The following GALNT13 variants were observed in gnomAD, a reference collection of about 807,000 sequenced individuals.
GALNT13 encodes polypeptide N-acetylgalactosaminyltransferase 13.
A neutral mutation model predicts 64.2 loss-of-function variants in GALNT13; 28 were observed. That is an observed-to-expected ratio of 0.44 (90% CI 0.32 to 0.60). GALNT13 has a LOEUF of 0.60. GALNT13 is among the 20% of genes least tolerant of loss of function. The pLI, the probability that GALNT13 is intolerant of heterozygous loss-of-function variation, is 0.05. For synonymous variants in GALNT13, 214 were observed against 224.6 expected (o/e 0.95, Z 0.42); for missense variants, 577 against 669.8 (o/e 0.86, Z 1.53).
chr2:153,685,508 GTTGT>G, the GALNT13 span, among the ~76,000 whole-genome samples: 3 of 151,838 alleles, frequency 2.0e-5, no homozygotes, highest in African/African-American at 4.8e-5. Flanking sequence ...TTTAAATGGG[GTTGT>G]TTATTTTTTT....
chr2:154,287,742 A>G (rs1692356467), intron 8 of GALNT13, among the ~76,000 whole-genome samples: 1 of 152,046 alleles, frequency 6.6e-6, no homozygotes, highest in South Asian at 2.1e-4. Context: ...AACTGCCTAT[A>G]AAGTAAATTC....
chr2:154,152,257 C>T (rs1401976667), intron 4 of GALNT13, among the ~76,000 whole-genome samples: 2 of 152,072 alleles, frequency 1.3e-5, no homozygotes, highest in Non-Finnish European at 2.9e-5. Flanking sequence ...TGAATATTGG[C>T]CCCCACTCTC....
At chr2:154,286,166 G>A (rs1692254843) in intron 8 of GALNT13, among the ~76,000 whole-genome samples, 1 of 152,104 alleles carries the variant, frequency 6.6e-6, no homozygotes, top group South Asian at 2.1e-4. Flanking sequence ...CATATATGAT[G>A]TCTTTAGCTT....
At chr2:153,298,637 A>C in the GALNT13 span, among the ~76,000 whole-genome samples, 4 of 152,212 alleles carry the variant, frequency 2.6e-5, no homozygotes, top group Non-Finnish European at 5.9e-5. Context: ...GAAAGAATCC[A>C]ATAGAAAATT....
At chr2:153,353,262 G>A in the GALNT13 span, among the ~76,000 whole-genome samples, 1 of 151,920 alleles carries the variant, frequency 6.6e-6, no homozygotes, top group African/African-American at 2.4e-5. Context: ...GTTCATTACT[G>A]GCATATAGGA....
At chr2:153,897,531 T>G (rs766292625) in intron 1 of GALNT13, among the ~76,000 whole-genome samples, 59 of 152,240 alleles carry the variant, frequency 3.9e-4, no homozygotes, top group Admixed American at 9.2e-4. Flanking sequence ...CTGCCAAGTT[T>G]CTCCACTACT....
At chr2:154,374,226 A>T (rs1697852713) in intron 9 of GALNT13, among the ~76,000 whole-genome samples, 1 of 152,318 alleles carries the variant, frequency 6.6e-6, no homozygotes, top group East Asian at 1.9e-4. Flanking sequence ...TGAATTTCTA[A>T]TATTCGGTAA....
Position 154,242,923 on chromosome 2 carries a change from C to A in GALNT13, c.686+18C>A. 2 of 1,601,540 alleles carry A rather than the reference C, an allele frequency of 1.2e-6. No homozygotes were observed. The highest frequency in any genetic ancestry group is 1.7e-6 in the Non-Finnish European group (2 of 1,169,374). ...GAAGACAGGTAAGAATTTATGTGTT[C>A]TGTCTGCCTGGGTTATGACTGAACC... is the stretch of plus-strand genomic sequence containing the variant. On this transcript the variant is annotated intron_variant, in intron 6 of 12. Coordinates refer to ENST00000392825, the MANE Select transcript of GALNT13 (RefSeq NM_052917.4).
At chr2:154,073,530 T>C (rs527424105) in intron 3 of GALNT13, among the ~76,000 whole-genome samples, 43 of 152,074 alleles carry the variant, frequency 2.8e-4, no homozygotes, top group Middle Eastern at 6.8e-3. Flanking sequence ...TAAACAAACG[T>C]ATTTTCATAT....
rs370787422 is a variant in GALNT13 at position 154,053,863 on chromosome 2, C to A, written c.143-86474C>A. 7.3e-4 allele frequency among the ~76,000 whole-genome samples: 111 copies of A among 152,170 alleles called. 2 individuals are homozygous for A. The East Asian group carries it at 0.02, about 27-fold the overall frequency. ...AAATGCCCCTTTTATGCAGATTTTTCTTTTTCTTTCAAGTGCATCTGTTCT... is the reference window on the plus strand; with the variant it reads ...AAATGCCCCTTTTATGCAGATTTTTATTTTTCTTTCAAGTGCATCTGTTCT... On this transcript the variant is annotated intron_variant, in intron 3 of 12. Transcript: ENST00000392825.
chr2:153,208,958 C>T, the GALNT13 span, among the ~76,000 whole-genome samples: 2 of 113,016 alleles, frequency 1.8e-5, no homozygotes, highest in Non-Finnish European at 3.9e-5. Context: ...ATCTGTGATG[C>T]ATTTTGGTTT....
chr2:153,297,615 C>A, the GALNT13 span, among the ~76,000 whole-genome samples: 1 of 152,120 alleles, frequency 6.6e-6, no homozygotes, highest in Non-Finnish European at 1.5e-5. Flanking sequence ...TAGGCACTAA[C>A]TTTATTGTAA....
the GALNT13 span, among the ~76,000 whole-genome samples, chr2:153,344,440 T>A: frequency 6.6e-6 from 1 of 152,306 alleles, no homozygotes; most frequent in Non-Finnish European, 1.5e-5. Flanking sequence ...TAGATTCAGG[T>A]TATGTATTTC....
At chr2:154,232,807 C>T (rs1467108842) in intron 4 of GALNT13, among the ~76,000 whole-genome samples, 1 of 150,220 alleles carries the variant, frequency 6.7e-6, no homozygotes, top group Non-Finnish European at 1.5e-5. Context: ...CCGAGGTGGG[C>T]AGATTGCTTG....
At chr2:153,871,859 CG>C (rs1224888449), upstream of GALNT13, 1 of 75,544 alleles carries the variant, frequency 1.3e-5, no homozygotes, top group Admixed American at 1.7e-4. Flanking sequence ...AGGGACCACG[CG>C]AGGAGGAGGG....
chr2:153,317,630 G>T, the GALNT13 span, among the ~76,000 whole-genome samples: 1 of 151,806 alleles, frequency 6.6e-6, no homozygotes, highest in Non-Finnish European at 1.5e-5. Context: ...GGAGACAGCC[G>T]ACTGCCTTTC....
the GALNT13 span, among the ~76,000 whole-genome samples, chr2:153,134,101 C>T: frequency 5.3e-5 from 8 of 152,120 alleles, no homozygotes; most frequent in Admixed American, 4.6e-4. Context: ...GCACCCCTTC[C>T]GTTTTGACAG....
chr2:154,324,776 C>A (rs1042727481), intron 9 of GALNT13, among the ~76,000 whole-genome samples: 2 of 152,064 alleles, frequency 1.3e-5, no homozygotes, highest in African/African-American at 4.8e-5. Flanking sequence ...AACTGAGAGC[C>A]TCCAGGACCA....
the GALNT13 span, among the ~76,000 whole-genome samples, chr2:153,846,091 C>T: frequency 3.3e-5 from 5 of 151,972 alleles, no homozygotes; most frequent in Admixed American, 6.6e-5. Context: ...AACAGTAAAA[C>T]GAAGTACCAA....
Sources: gnomAD v4.1 joint callset for allele counts (sites outside exome capture counted in the v4.1 genomes callset) on GRCh38, gnomAD v4.1.1 for gene constraint, MANE v1.5 for transcripts, NCBI Gene and HGNC (gene_info 2026-07-23, HGNC 2026-07-21) for gene names.